Variants in DCC observed in about 807,000 individuals in gnomAD.
The protein encoded by DCC is DCC netrin 1 receptor, also known as netrin receptor DCC.
DCC carries 58 observed loss-of-function variants against 172.5 expected under a neutral mutation model. That is an observed-to-expected ratio of 0.34 (90% CI 0.27 to 0.42). The LOEUF is 0.42. Among genes scored for constraint, DCC ranks in the 10% least tolerant of loss-of-function variants. The probability of loss-of-function intolerance (pLI) is 1.00; values close to 1 mark genes in which losing one functional copy is unlikely to be tolerated. For missense variants in DCC, 1,740 were observed against 1,791.0 expected (o/e 0.97, Z 0.51); for synonymous variants, 709 against 644.5 (o/e 1.10, Z -1.52).
intron 2 of DCC, among the ~76,000 whole-genome samples, chr18:52,761,768 G>A (rs1461104594): frequency 1.3e-5 from 2 of 151,908 alleles, no homozygotes; most frequent in Admixed American, 6.6e-5. Flanking sequence ...GAAAAACCTT[G>A]TTTGAAAAAT....
At chr18:52,714,383 G>A (rs942124116) in intron 1 of DCC, among the ~76,000 whole-genome samples, 3 of 152,138 alleles carry the variant, frequency 2.0e-5, no homozygotes, top group African/African-American at 7.2e-5. Flanking sequence ...AACAGACAAA[G>A]CAACAAGAGA....
chr18:52,649,111 C>T (rs1009988255), intron 1 of DCC, among the ~76,000 whole-genome samples: 20 of 152,166 alleles, frequency 1.3e-4, no homozygotes, highest in Non-Finnish European at 5.9e-5. Context: ...CGGTGGCTCA[C>T]GCCTGTAATC....
At chr18:52,721,934 G>A (rs1196360001) in intron 1 of DCC, among the ~76,000 whole-genome samples, 1 of 152,184 alleles carries the variant, frequency 6.6e-6, no homozygotes, top group Non-Finnish European at 1.5e-5. Context: ...TGAGGCAGGA[G>A]CATCACTTGA....
intron 2 of DCC, among the ~76,000 whole-genome samples, chr18:52,856,640 A>AG (rs1555673746): frequency 0.048 from 7,214 of 149,676 alleles, 747 homozygotes; most frequent in African/African-American, 0.17. Context: ...AAAAAAAAAA[A>AG]AAAGAAAACA....
chr18:52,485,249 G>A (rs1052536594), intron 1 of DCC, among the ~76,000 whole-genome samples: 4 of 152,150 alleles, frequency 2.6e-5, no homozygotes, highest in Non-Finnish European at 4.4e-5. Context: ...CACACTGAAG[G>A]CTTCAAAAAG....
chr18:52,582,072 G>A (rs1156615766), intron 1 of DCC, among the ~76,000 whole-genome samples: 1 of 152,058 alleles, frequency 6.6e-6, no homozygotes, highest in Non-Finnish European at 1.5e-5. Flanking sequence ...TGCTAGACAA[G>A]GCATCTACAA....
rs2046303476 is a variant in DCC, at chr18:53,514,250, C to T, written c.4112-12367C>T. Among the ~76,000 whole-genome samples, 9 of 151,858 alleles carry T rather than the reference C, an allele frequency of 5.9e-5. No homozygotes were observed. The South Asian group carries it at 1.9e-3, about 32-fold the overall frequency. ...CAGAAATAAAGATGTTCTTTGAAAC[C>T]AACGAGAACAAAGACACAACATACC... On this transcript the variant is annotated intron_variant, in intron 27 of 28. Coordinates refer to ENST00000442544, the MANE Select transcript of DCC (RefSeq NM_005215.4).
intron 2 of DCC, among the ~76,000 whole-genome samples, chr18:52,765,630 A>G (rs1337920224): frequency 1.3e-5 from 2 of 152,048 alleles, no homozygotes; most frequent in Non-Finnish European, 2.9e-5. Context: ...CTGTATCTTT[A>G]CAAGGCTCCT....
chr18:53,097,655 C>T (rs1373750796), intron 7 of DCC, among the ~76,000 whole-genome samples: 7 of 152,122 alleles, frequency 4.6e-5, no homozygotes, highest in Non-Finnish European at 8.8e-5. Context: ...GACTGGGTAA[C>T]TTTAACAACA....
intron 1 of DCC, among the ~76,000 whole-genome samples, chr18:52,612,566 G>T (rs563457054): frequency 6.6e-6 from 1 of 151,446 alleles, no homozygotes; most frequent in African/African-American, 2.4e-5. Context: ...GACTGAGCAG[G>T]CATTAACATG....
At chr18:52,492,827 G>A (rs2030571574) in intron 1 of DCC, among the ~76,000 whole-genome samples, 1 of 152,006 alleles carries the variant, frequency 6.6e-6, no homozygotes, top group African/African-American at 2.4e-5. Flanking sequence ...TGCCAGACAT[G>A]GATTTCTGTA....
At chr18:52,986,881 G>T (rs1433894613) in intron 5 of DCC, among the ~76,000 whole-genome samples, 1 of 151,136 alleles carries the variant, frequency 6.6e-6, no homozygotes, top group Admixed American at 6.6e-5. Flanking sequence ...TATGCGCAGT[G>T]GTGTGATCTC....
At chr18:53,427,619 A>C (rs1040308822) in intron 21 of DCC, among the ~76,000 whole-genome samples, 1 of 151,042 alleles carries the variant, frequency 6.6e-6, no homozygotes, top group African/African-American at 2.4e-5. Context: ...ATCTTTTCTC[A>C]CCTGAAATCT....
intron 1 of DCC, among the ~76,000 whole-genome samples, chr18:52,634,013 A>G (rs1373239686): frequency 6.6e-6 from 1 of 152,258 alleles, no homozygotes; most frequent in African/African-American, 2.4e-5. Flanking sequence ...CCTTTGCCAG[A>G]CATGACATTC....
At chr18:53,344,629 AC>A (rs1393110167) in intron 15 of DCC, among the ~76,000 whole-genome samples, 15 of 150,312 alleles carry the variant, frequency 1.0e-4, no homozygotes, top group African/African-American at 3.7e-4. Context: ...TTTAGTGGAG[AC>A]GGGGTTGCAC....
At position 52,923,702 on chromosome 18, in the gene DCC, CAT is replaced by C; in HGVS notation, c.698-3_698-2del. 1 of 1,599,094 alleles carries C rather than the reference CAT, an allele frequency of 6.3e-7. No homozygotes were observed. The highest frequency in any genetic ancestry group is 2.2e-5 in the East Asian group (1 of 44,760). On this transcript the variant is annotated splice_polypyrimidine_tract_variant and splice_region_variant and intron_variant, in intron 3 of 28. Transcript: ENST00000442544. ...ATCATATGATACTGTGTTTTCCCCT[CAT>C]AGATCCAGGACTGCATAGACAGCTG...
At chr18:53,103,001 G>C (rs1315151121) in intron 7 of DCC, among the ~76,000 whole-genome samples, 1 of 152,008 alleles carries the variant, frequency 6.6e-6, no homozygotes, top group Non-Finnish European at 1.5e-5. Context: ...AAATGCTTAG[G>C]GTTAGTTGCT....
chr18:53,240,857 G>A (rs2056281806), intron 12 of DCC, among the ~76,000 whole-genome samples: 1 of 152,086 alleles, frequency 6.6e-6, no homozygotes, highest in African/African-American at 2.4e-5. Flanking sequence ...CCATTTTTCA[G>A]ATATTTGTAA....
intron 1 of DCC, among the ~76,000 whole-genome samples, chr18:52,721,907 C>T (rs1023450751): frequency 6.6e-6 from 1 of 152,054 alleles, no homozygotes; most frequent in East Asian, 1.9e-4. Context: ...CACCTGAATC[C>T]CAGCTACTTG....
Sources: allele counts gnomAD v4.1 joint callset (sites outside exome capture counted in the v4.1 genomes callset), GRCh38; gene constraint gnomAD v4.1.1; transcripts MANE v1.5; gene names NCBI Gene and HGNC (gene_info 2026-07-23, HGNC 2026-07-21).